NTRK1: variants seen among roughly 807,000 people sequenced by gnomAD.
NTRK1 encodes neurotrophic receptor tyrosine kinase 1.
In NTRK1, 62 loss-of-function variants were observed where a neutral mutation model predicts 86.8. The observed-to-expected ratio is 0.71, with a 90% CI of 0.58 to 0.88. The LOEUF (loss-of-function observed/expected upper bound fraction) is 0.88. NTRK1 is among the 40% of genes least tolerant of loss of function. The pLI is 0.00. For missense variants in NTRK1, 967 were observed against 1,078.4 expected (o/e 0.90, Z 1.45); for synonymous variants, 469 against 456.6 (o/e 1.03, Z -0.35).
upstream of NTRK1, among the ~76,000 whole-genome samples, chr1:156,857,335 GCCCACTT>G (rs1352831251): frequency 2.0e-5 from 3 of 152,192 alleles, no homozygotes; most frequent in Non-Finnish European, 2.9e-5. Flanking sequence ...TCTCTCAGGC[GCCCACTT>G]CCCATCATGC....
chr1:156,825,876 C>T (rs1486317484), intron 1 of NTRK1, among the ~76,000 whole-genome samples: 1 of 152,176 alleles, frequency 6.6e-6, no homozygotes, highest in African/African-American at 2.4e-5. Flanking sequence ...CCCTTATAAC[C>T]GGCCCATGAA....
intron 7 of NTRK1, among the ~76,000 whole-genome samples, chr1:156,872,776 C>T (rs1420706568): frequency 6.6e-6 from 1 of 151,120 alleles, no homozygotes; most frequent in East Asian, 1.9e-4. Context: ...CCCAGGTTCA[C>T]GTCATTCTCC....
intron 7 of NTRK1, among the ~76,000 whole-genome samples, chr1:156,872,664 A>C (rs1250703158): frequency 6.6e-6 from 1 of 151,058 alleles, no homozygotes; most frequent in Non-Finnish European, 1.5e-5. Context: ...TACTTTTACC[A>C]GATTGGGTCT....
intron 1 of NTRK1, among the ~76,000 whole-genome samples, chr1:156,826,147 G>A (rs1168533189): frequency 2.0e-5 from 3 of 152,140 alleles, no homozygotes; most frequent in Admixed American, 1.3e-4. Flanking sequence ...AAAGGAAAAG[G>A]AGCAGGACTT....
upstream of NTRK1, among the ~76,000 whole-genome samples, chr1:156,860,176 G>A (rs1374219068): frequency 6.6e-6 from 1 of 152,240 alleles, no homozygotes; most frequent in Non-Finnish European, 1.5e-5. Context: ...GAGACCTGAG[G>A]CGTTGCTCAC....
At chr1:156,850,885 T>A (rs1655182467) in intron 2 of NTRK1, among the ~76,000 whole-genome samples, 1 of 152,206 alleles carries the variant, frequency 6.6e-6, no homozygotes, top group Non-Finnish European at 1.5e-5. Context: ...AAATGCTGGC[T>A]ACATTATAGG....
Position 156,868,175 on chromosome 1 carries a change from T to C in NTRK1, c.500T>C (p.Leu167Pro). 6.2e-7 allele frequency: 1 copy of C among 1,613,790 alleles called. No homozygotes were observed. Among genetic ancestry groups the C allele is most frequent in the Non-Finnish European group, 8.5e-7 (1 of 1,180,046 alleles). Residue 167 changes from leucine (L) to proline (P), a missense_variant, in exon 5 of 17, where the codon CTG (leucine) becomes CCG (proline). Around this residue, in one of 2 missense-constraint regions of NTRK1, gnomAD observed 330 missense variants for 302.0 expected, o/e 1.09. Coordinates refer to ENST00000524377, the MANE Select transcript of NTRK1 (RefSeq NM_002529.4). ...RWLQRWEEEG[L>P]GGVPEQKLQC... ...CTACAGCGCTGGGAGGAGGAGGGAC[T>C]GGGCGGAGTGCCTGAACAGAAGCTG...
At chr1:156,874,742 T>C (rs1647789211) in intron 10 of NTRK1, 116 bp downstream of exon 10, 8 of 1,272,856 alleles carry the variant, frequency 6.3e-6, no homozygotes, top group Non-Finnish European at 7.9e-6. Flanking sequence ...GCCTGAGCTC[T>C]GACGGCCACC....
chr1:156,868,091 C>T lies in NTRK1; in HGVS notation c.429-13C>T, dbSNP rs1289447298. ...CTTTCCTTGACTCTGTTGGTGTCCC[C>T]CATGCCCCCCAGGGTCCTGTCGGGG... is the stretch of plus-strand genomic sequence containing the variant. On this transcript the variant is annotated splice_polypyrimidine_tract_variant and intron_variant, in intron 4 of 16. Transcript: ENST00000524377. The T allele has an allele frequency of 1.9e-6, 3 of 1,613,776 alleles. No individual in the cohort carries two copies. The highest frequency in any genetic ancestry group is 1.1e-5 in the South Asian group (1 of 91,078).
At chr1:156,858,566 G>A (rs140915043), upstream of NTRK1, 437 of 1,614,044 alleles carry the variant, frequency 2.7e-4, no homozygotes, top group Admixed American at 6.3e-4. Context: ...AAATCCCAAG[G>A]AGAGGAAGAT....
intron 14 of NTRK1, 57 bp downstream of exon 14, chr1:156,876,629 C>T (rs1647937468): frequency 6.4e-7 from 1 of 1,558,608 alleles, no homozygotes; most frequent in Non-Finnish European, 8.7e-7. Context: ...CCCCGTCTTC[C>T]CTTCCCTATA....
At chr1:156,816,016 C>A (rs777944501) in intron 1 of NTRK1, 8 of 1,613,798 alleles carry the variant, frequency 5.0e-6, no homozygotes, top group Non-Finnish European at 6.8e-6. Context: ...CGCAGTGTAG[C>A]CCAGGTTCTG....
chr1:156,821,453 C>CTGTGTGTGTGTGTGTGTGTGTG (rs59579534), intron 1 of NTRK1, among the ~76,000 whole-genome samples: 2 of 138,018 alleles, frequency 1.4e-5, no homozygotes, highest in East Asian at 4.2e-4. Flanking sequence ...CTAATTTAGC[C>CTGTGTGTGTGTGTGTGTGTGTG]TGTGTGTGTG....
At chr1:156,828,004 G>T (rs1280049711) in intron 1 of NTRK1, among the ~76,000 whole-genome samples, 2 of 150,140 alleles carry the variant, frequency 1.3e-5, no homozygotes, top group Non-Finnish European at 3.0e-5. Flanking sequence ...TAGAAATGGG[G>T]GTCTCACTAT....
At position 156,854,454 on chromosome 1, in the gene NTRK1, G is replaced by T; in HGVS notation, c.51-9900G>T. Reference sequence around the variant, plus strand: ...GGGTGTGGGGTGGCCTCCTTCCTGGGCCCCGGAGGGCTCACCTGCAGCCTG... The same window carrying T: ...GGGTGTGGGGTGGCCTCCTTCCTGGTCCCCGGAGGGCTCACCTGCAGCCTG... On this transcript the variant is annotated intron_variant, in intron 2 of 16. Transcript: ENST00000392302. The surrounding 1 kb of genome is among the most constrained non-coding windows in gnomAD (Gnocchi z 4.2). 3.8e-6 allele frequency: 3 copies of T among 791,102 alleles called. No individual in the cohort carries two copies. The highest frequency in any genetic ancestry group is 2.7e-5 in the East Asian group (1 of 37,068). The allele number at this position is 791,102 out of a possible 1,614,324, so 49.0% of individuals were successfully genotyped here. A position where few individuals can be genotyped will look rare whatever the true frequency, so the allele number is the denominator to read the frequency against.
intron 2 of NTRK1, chr1:156,842,875 A>G: frequency 2.7e-6 from 2 of 739,722 alleles, no homozygotes; most frequent in Admixed American, 2.7e-5. Context: ...CTTTACCCCA[A>G]TTAGGATCCT....
At chr1:156,861,912 T>C (rs187490391) in intron 1 of NTRK1, among the ~76,000 whole-genome samples, 6 of 152,372 alleles carry the variant, frequency 3.9e-5, no homozygotes, top group Admixed American at 3.3e-4. Flanking sequence ...GGTTACAAAA[T>C]ACTCAAGTAC....
intron 2 of NTRK1, among the ~76,000 whole-genome samples, chr1:156,847,627 C>T (rs949442062): frequency 2.2e-4 from 33 of 151,820 alleles, no homozygotes; most frequent in Non-Finnish European, 2.9e-5. Flanking sequence ...GAAGTGCCTG[C>T]CTTTGTTGGG....
In NTRK1 at chr1:156,879,447, G is replaced by T. The variant is rs1384936709; in HGVS notation, c.2046+85G>T. On this transcript the variant is annotated intron_variant, in intron 15 of 16. Coordinates refer to ENST00000524377, the MANE Select transcript of NTRK1 (RefSeq NM_002529.4). ...CCAAGACCACTGAGAGCCTGCCCTT[G>T]CTAGGATGGCTGCATGGGTCTGAGA... 11 of 1,500,388 alleles carry T rather than the reference G, an allele frequency of 7.3e-6. No homozygotes were observed. In the African/African-American group the frequency reaches 1.2e-4, roughly 17 times the overall value. The allele number at this position is 1,500,388 out of a possible 1,614,324, so 92.9% of individuals were successfully genotyped here.
Sources: gnomAD v4.1 joint callset for allele counts (sites outside exome capture counted in the v4.1 genomes callset) on GRCh38, gnomAD v4.1.1 for gene constraint, gnomAD v4.1.1 regional missense constraint, Gnocchi (gnomAD v3.1) non-coding constraint, MANE v1.5 for transcripts, NCBI Gene and HGNC (gene_info 2026-07-23, HGNC 2026-07-21) for gene names.